Variants in RANBP2 observed in about 807,000 individuals in gnomAD.
The protein encoded by RANBP2 is E3 SUMO-protein ligase RanBP2.
In RANBP2, 57 loss-of-function variants were observed where a neutral mutation model predicts 303.6. The observed-to-expected ratio is 0.19, with a 90% CI of 0.15 to 0.23. The LOEUF is 0.23. Among genes scored for constraint, RANBP2 ranks in the 10% least tolerant of loss-of-function variants. RANBP2 has a pLI of 1.00. For synonymous variants in RANBP2, 1,167 were observed against 1,301.5 expected (o/e 0.90, Z 2.23); for missense variants, 3,138 against 3,780.8 (o/e 0.83, Z 4.46).
At chr2:109,671,186 G>T in the RANBP2 span, among the ~76,000 whole-genome samples, 1 of 152,122 alleles carries the variant, frequency 6.6e-6, no homozygotes, top group African/African-American at 2.4e-5. Flanking sequence ...GCTGGATATT[G>T]GAGGCTGGAG....
At position 108,765,061 on chromosome 2, in the gene RANBP2, CAG is replaced by C; in HGVS notation, c.4525_4526del (p.Leu1510ThrfsTer12). 1 of 1,613,878 alleles carries C rather than the reference CAG, an allele frequency of 6.2e-7. No individual in the cohort carries two copies. Among genetic ancestry groups the C allele is most frequent in the Non-Finnish European group, 8.5e-7 (1 of 1,179,938 alleles). Reference protein sequence around the residue: ...KCAACQNPRKQSLPATSIPTP... With the variant: ...KCAACQNPRKXSLPATSIPTP... The stretch of plus-strand genomic sequence containing the variant: ...TGCTGCTTGTCAGAATCCGAGAAAA[CAG>C]AGTCTACCTGCTACTTCTATTCCAA... On this transcript the variant is annotated frameshift_variant, in exon 20 of 29. Coordinates refer to ENST00000283195, the MANE Select transcript of RANBP2 (RefSeq NM_006267.5). LOFTEE classifies it high-confidence loss of function.
At chr2:109,676,688 T>C in the RANBP2 span, among the ~76,000 whole-genome samples, 5 of 152,158 alleles carry the variant, frequency 3.3e-5, no homozygotes, top group African/African-American at 1.2e-4. Flanking sequence ...CCAGATACTA[T>C]CCACACAAGT....
chr2:109,156,785 A>G, the RANBP2 span, among the ~76,000 whole-genome samples: 1 of 152,102 alleles, frequency 6.6e-6, no homozygotes, highest in Admixed American at 6.5e-5. Context: ...GGGTTGTTGT[A>G]GGAGATAGAA....
chr2:109,012,451 C>T, the RANBP2 span, among the ~76,000 whole-genome samples: 1 of 152,102 alleles, frequency 6.6e-6, no homozygotes, highest in African/African-American at 2.4e-5. Context: ...CGCTCCTTTT[C>T]CCCCCAGCCC....
At chr2:108,741,764 G>C (rs1247022082) in intron 7 of RANBP2, among the ~76,000 whole-genome samples, 1 of 146,706 alleles carries the variant, frequency 6.8e-6, no homozygotes, top group African/African-American at 2.5e-5. Flanking sequence ...CACCTGCCTC[G>C]GCCTCCCAAA....
the RANBP2 span, among the ~76,000 whole-genome samples, chr2:109,092,387 G>C: frequency 6.6e-6 from 1 of 152,174 alleles, no homozygotes; most frequent in African/African-American, 2.4e-5. Context: ...GAAGAAGTTT[G>C]AGCTTTGCCA....
chr2:109,479,520 C>A, the RANBP2 span, among the ~76,000 whole-genome samples: 1 of 152,082 alleles, frequency 6.6e-6, no homozygotes, highest in African/African-American at 2.4e-5. Flanking sequence ...TATCTGTTCT[C>A]CCTGGGGTGT....
At chr2:109,367,121 T>G in the RANBP2 span, among the ~76,000 whole-genome samples, 1 of 75,586 alleles carries the variant, frequency 1.3e-5, no homozygotes, top group African/African-American at 7.7e-5. Flanking sequence ...CCCTGGTAAT[T>G]TTTTTTTTTT....
the RANBP2 span, among the ~76,000 whole-genome samples, chr2:108,842,992 G>A: frequency 0.92 from 139,440 of 152,204 alleles, 63,938 homozygotes; most frequent in East Asian, 1. Flanking sequence ...TGCTTCAACC[G>A]TCAAACAGAA....
At chr2:108,775,992 A>T in intron 24 of RANBP2, 56 bp downstream of exon 24, 2 of 1,474,668 alleles carry the variant, frequency 1.4e-6, no homozygotes, top group Non-Finnish European at 1.8e-6. Flanking sequence ...TATATTTGAG[A>T]AGATAGACTT....
At chr2:108,747,839 G>A (rs1167394052) in intron 8 of RANBP2, among the ~76,000 whole-genome samples, 2 of 152,280 alleles carry the variant, frequency 1.3e-5, no homozygotes, top group African/African-American at 2.4e-5. Flanking sequence ...CCCATTTAAA[G>A]TGTACGGTTC....
chr2:109,614,687 G>C, the RANBP2 span: 1 of 1,487,932 alleles, frequency 6.7e-7, no homozygotes, highest in Admixed American at 2.2e-5. Context: ...TGGCCACTGT[G>C]CGCGTCGATC....
chr2:109,084,497 T>C, the RANBP2 span, among the ~76,000 whole-genome samples: 1 of 152,222 alleles, frequency 6.6e-6, no homozygotes, highest in Non-Finnish European at 1.5e-5. Context: ...GTCATTCAGA[T>C]TCCTGGAAGT....
At chr2:108,957,711 G>A in the RANBP2 span, among the ~76,000 whole-genome samples, 2 of 152,250 alleles carry the variant, frequency 1.3e-5, no homozygotes, top group Non-Finnish European at 2.9e-5. Flanking sequence ...CCTACCAGGC[G>A]AGGCTAGTGG....
the RANBP2 span, among the ~76,000 whole-genome samples, chr2:109,756,823 A>T: frequency 3.2e-5 from 3 of 92,698 alleles, 1 homozygote; most frequent in African/African-American, 1.5e-4. Context: ...CAAGAGGAGA[A>T]ATGTGCTCGT....
the RANBP2 span, among the ~76,000 whole-genome samples, chr2:109,093,946 C>T: frequency 1.3e-5 from 2 of 152,222 alleles, no homozygotes; most frequent in Non-Finnish European, 2.9e-5. Context: ...GAATATATCC[C>T]TCTCAAAATC....
intron 18 of RANBP2, among the ~76,000 whole-genome samples, chr2:108,760,279 T>C (rs944099042): frequency 7.9e-5 from 12 of 152,220 alleles, no homozygotes; most frequent in East Asian, 1.9e-4. Flanking sequence ...TCTATACATA[T>C]AGTATTTTTT....
intron 1 of RANBP2, among the ~76,000 whole-genome samples, chr2:108,720,997 C>A (rs905931233): frequency 3.3e-5 from 5 of 151,916 alleles, no homozygotes; most frequent in African/African-American, 4.8e-5. Flanking sequence ...TCCAGTGAGC[C>A]GAGATCGCGC....
At chr2:109,358,454 A>G in the RANBP2 span, among the ~76,000 whole-genome samples, 393 of 152,344 alleles carry the variant, frequency 2.6e-3, 2 homozygotes, top group African/African-American at 9.1e-3. Context: ...AAGCATGCCT[A>G]GTTTTGTAAG....
Sources: gnomAD v4.1 joint callset for allele counts (sites outside exome capture counted in the v4.1 genomes callset) on GRCh38, gnomAD v4.1.1 for gene constraint, MANE v1.5 for transcripts, NCBI Gene and HGNC (gene_info 2026-07-23, HGNC 2026-07-21) for gene names.